The following RBFOX1 variants were observed in gnomAD, a reference collection of about 807,000 sequenced individuals.
RBFOX1 encodes RNA binding fox-1 homolog 1.
In RBFOX1, 8 loss-of-function variants were observed where a neutral mutation model predicts 57.7. The ratio of observed to expected loss-of-function variants is 0.14; its 90% CI spans 0.08 to 0.25. RBFOX1 has a LOEUF of 0.25. Ranked by LOEUF, RBFOX1 falls within the 10% of genes least tolerant of loss-of-function variation. RBFOX1 has a pLI of 1.00. For synonymous variants in RBFOX1, 326 were observed against 222.4 expected (o/e 1.47, Z -4.15); for missense variants, 611 against 548.5 (o/e 1.11, Z -1.14).
intron 3 of RBFOX1, among the ~76,000 whole-genome samples, chr16:6,960,283 T>A (rs2082685276): frequency 6.6e-6 from 1 of 151,892 alleles, no homozygotes; most frequent in Non-Finnish European, 1.5e-5. Context: ...AGGCCTCAGA[T>A]CTTATAGATG....
intron 2 of RBFOX1, among the ~76,000 whole-genome samples, chr16:6,561,148 A>AGTCT (rs1290013407): frequency 6.6e-6 from 1 of 152,186 alleles, no homozygotes; most frequent in Non-Finnish European, 1.5e-5. Context: ...ATTGGATACT[A>AGTCT]GTCTGGAAGG....
chr16:5,674,942 T>G (rs556997368), intron 3 of RBFOX1, among the ~76,000 whole-genome samples: 1 of 151,680 alleles, frequency 6.6e-6, no homozygotes, highest in East Asian at 1.9e-4. Context: ...ATCCCAGGAG[T>G]TTGAAACCAG....
chr16:7,042,410 T>A (rs747018313), intron 3 of RBFOX1, among the ~76,000 whole-genome samples: 1 of 152,172 alleles, frequency 6.6e-6, no homozygotes, highest in Non-Finnish European at 1.5e-5. Flanking sequence ...CTTGAATATT[T>A]CCTATCTTTA....
At chr16:7,226,175 G>A (rs2093104266) in intron 4 of RBFOX1, among the ~76,000 whole-genome samples, 1 of 152,082 alleles carries the variant, frequency 6.6e-6, no homozygotes, top group South Asian at 2.1e-4. Context: ...AACATCCCAG[G>A]GATAACTCTC....
intron 1 of RBFOX1, among the ~76,000 whole-genome samples, chr16:6,105,932 C>G (rs982877543): frequency 4.6e-5 from 7 of 151,752 alleles, no homozygotes; most frequent in African/African-American, 1.7e-4. Flanking sequence ...CATAGTAACC[C>G]AACATTTTTG....
rs149833472 is a variant in RBFOX1, at chr16:7,515,815, G to T, written c.28-2332G>T. Among the ~76,000 whole-genome samples, 1,147 of 151,998 alleles carry T rather than the reference G, an allele frequency of 7.5e-3. 65 individuals are homozygous for T. Among genetic ancestry groups the T allele is most frequent in the Admixed American group, 0.069 (1,053 of 15,266 alleles). Reference sequence around the variant, plus strand: ...CTAGGTTGGCCTCACGTGTAGGGAGGTCCCCTTCAAGTGGCAGTTCGTTGT... The same window carrying T: ...CTAGGTTGGCCTCACGTGTAGGGAGTTCCCCTTCAAGTGGCAGTTCGTTGT... On this transcript the variant is annotated intron_variant, in intron 4 of 15. Transcript: ENST00000550418.
At chr16:5,929,435 G>A (rs1334685545) in intron 4 of RBFOX1, among the ~76,000 whole-genome samples, 2 of 152,112 alleles carry the variant, frequency 1.3e-5, no homozygotes, top group Non-Finnish European at 2.9e-5. Context: ...GTGACGTTGA[G>A]CAATCATCAA....
chr16:7,414,448 T>G (rs2098459821), intron 4 of RBFOX1, among the ~76,000 whole-genome samples: 2 of 152,196 alleles, frequency 1.3e-5, no homozygotes, highest in African/African-American at 2.4e-5. Context: ...AATTAAAATG[T>G]GATTCTTTCT....
chr16:6,519,457 T>A (rs550590910), intron 2 of RBFOX1, among the ~76,000 whole-genome samples: 1 of 152,236 alleles, frequency 6.6e-6, no homozygotes, highest in African/African-American at 2.4e-5. Context: ...TCCCAGCACT[T>A]TGGGAGGCCA....
intron 3 of RBFOX1, among the ~76,000 whole-genome samples, chr16:6,760,222 C>T (rs1198831808): frequency 6.6e-6 from 1 of 152,136 alleles, no homozygotes; most frequent in Non-Finnish European, 1.5e-5. Context: ...GTAATGAATT[C>T]CTCATGTCTT....
intron 3 of RBFOX1, among the ~76,000 whole-genome samples, chr16:5,649,106 A>ATT (rs1327657320): frequency 1.3e-5 from 2 of 152,038 alleles, no homozygotes; most frequent in Non-Finnish European, 2.9e-5. Context: ...CATAAAAGCG[A>ATT]TTATATATAT....
chr16:5,557,404 TC>T (rs146517125), intron 2 of RBFOX1, among the ~76,000 whole-genome samples: 50,878 of 151,556 alleles, frequency 0.34, 8,927 homozygotes, highest in Admixed American at 0.37. Flanking sequence ...GGGCATTGGG[TC>T]CCCATATGAA....
chr16:5,334,855 A>T (rs1045675291), intron 1 of RBFOX1, among the ~76,000 whole-genome samples: 2 of 151,668 alleles, frequency 1.3e-5, no homozygotes, highest in East Asian at 3.9e-4. Context: ...CACATCCTTA[A>T]GCTTGAACAC....
At chr16:7,298,261 A>C (rs1277721270) in intron 4 of RBFOX1, among the ~76,000 whole-genome samples, 1 of 151,194 alleles carries the variant, frequency 6.6e-6, no homozygotes, top group Non-Finnish European at 1.5e-5. Flanking sequence ...ACAATGTAGA[A>C]AATTTGTGTA....
intron 1 of RBFOX1, among the ~76,000 whole-genome samples, chr16:6,096,330 G>C (rs7197966): frequency 2.6e-5 from 4 of 151,878 alleles, no homozygotes; most frequent in African/African-American, 4.8e-5. Context: ...CAGGAAAATC[G>C]TTCCCCAGAT....
chr16:6,840,005 A>G (rs2093369401), intron 3 of RBFOX1, among the ~76,000 whole-genome samples: 2 of 152,208 alleles, frequency 1.3e-5, no homozygotes, highest in Admixed American at 6.5e-5. Flanking sequence ...ACAAAATAAT[A>G]TCTGTAGCAA....
rs543391886 is a variant in RBFOX1, at chr16:5,981,544, C to T, written c.351+114209C>T. 3.3e-5 allele frequency among the ~76,000 whole-genome samples: 5 copies of T among 152,312 alleles called. No homozygotes were observed. In the South Asian group the frequency reaches 1.0e-3, roughly 32 times the overall value. On this transcript the variant is annotated intron_variant, in intron 4 of 19. Transcript: ENST00000641259. ...ACTGAAGTGGCACCATCTCAGCTCA[C>T]TGCAGCCTCCGCCTCCCAGGCTCAG...
intron 4 of RBFOX1, among the ~76,000 whole-genome samples, chr16:5,885,540 T>A (rs1182448907): frequency 2.6e-5 from 4 of 152,072 alleles, no homozygotes; most frequent in African/African-American, 9.7e-5. Flanking sequence ...TTTCAGAATC[T>A]CCTTTCCTTC....
chr16:6,699,157 C>T (rs186235396), intron 3 of RBFOX1, among the ~76,000 whole-genome samples: 1 of 152,228 alleles, frequency 6.6e-6, no homozygotes, highest in East Asian at 1.9e-4. Flanking sequence ...ACCCAGGCAC[C>T]CCTGTCATGT....
Sources: allele counts gnomAD v4.1 joint callset (sites outside exome capture counted in the v4.1 genomes callset), GRCh38; gene constraint gnomAD v4.1.1; transcripts MANE v1.5; gene names NCBI Gene and HGNC (gene_info 2026-07-23, HGNC 2026-07-21).